The following RXRA variants were observed in gnomAD, a reference collection of about 807,000 sequenced individuals.
RXRA encodes retinoic acid receptor RXR-alpha.
RXRA carries 5 observed loss-of-function variants against 44.5 expected under a neutral mutation model. The observed-to-expected ratio is 0.11, with a 90% CI of 0.06 to 0.24. The LOEUF is 0.24. Among genes scored for constraint, RXRA ranks in the 10% least tolerant of loss-of-function variants. The pLI, the probability that RXRA is intolerant of heterozygous loss-of-function variation, is 1.00. For missense variants in RXRA, 412 were observed against 646.5 expected (o/e 0.64, Z 3.93); for synonymous variants, 291 against 271.4 (o/e 1.07, Z -0.71).
chr9:134,401,982 A>G (rs1304817588), intron 2 of RXRA, 100 bp downstream of exon 2: 3 of 1,019,930 alleles, frequency 2.9e-6, no homozygotes, highest in South Asian at 3.3e-5. Flanking sequence ...TCTGGGAGGT[A>G]GGTGCTGTGG....
At chr9:134,341,384 G>A (rs75043682) in intron 1 of RXRA, among the ~76,000 whole-genome samples, 73 of 152,270 alleles carry the variant, frequency 4.8e-4, no homozygotes, top group South Asian at 2.9e-3. Context: ...CTGCTAGGGT[G>A]GGGGGACATT....
rs1401434912 is a variant in RXRA, at chr9:134,365,180, C to T, written c.29-36452C>T. 3.9e-5 allele frequency among the ~76,000 whole-genome samples: 6 copies of T among 152,238 alleles called. No individual in the cohort carries two copies. Among genetic ancestry groups the T allele is most frequent in the East Asian group, 1.9e-4 (1 of 5,186 alleles). On this transcript the variant is annotated intron_variant, in intron 1 of 9. Coordinates refer to ENST00000481739, the MANE Select transcript of RXRA (RefSeq NM_002957.6). This position sits in a 1 kb window ranked among gnomAD's most constrained non-coding sequence, Gnocchi z 4.0. Reference sequence around the variant, plus strand: ...TGGAGGGCTGATGGCACGCTGGGCCCGGGAAAGCCCCTCGTGGGCCATCTC... The same window carrying T: ...TGGAGGGCTGATGGCACGCTGGGCCTGGGAAAGCCCCTCGTGGGCCATCTC...
intron 6 of RXRA, chr9:134,425,955 C>G: frequency 1.0e-6 from 1 of 985,348 alleles, no homozygotes; most frequent in South Asian, 4.7e-5. Flanking sequence ...GGTTGGAGCC[C>G]GAGGCCCCAG....
intron 1 of RXRA, among the ~76,000 whole-genome samples, chr9:134,371,075 G>A (rs1014743758): frequency 2.6e-5 from 4 of 152,138 alleles, no homozygotes; most frequent in Non-Finnish European, 4.4e-5. Context: ...GGTCACCCTC[G>A]CTCTGGGACA....
intron 1 of RXRA, among the ~76,000 whole-genome samples, chr9:134,348,836 G>C (rs1830186918): frequency 6.6e-6 from 1 of 152,194 alleles, no homozygotes; most frequent in Admixed American, 6.5e-5. Context: ...CCGGGCCTGG[G>C]GTTGCAGTCC....
chr9:134,383,760 T>C (rs1400175337), intron 1 of RXRA, among the ~76,000 whole-genome samples: 3 of 151,912 alleles, frequency 2.0e-5, no homozygotes, highest in African/African-American at 7.3e-5. Context: ...TGAGGACGGG[T>C]AGGTGGGCTG....
rs1047734598 is a variant in RXRA at position 134,426,492 on chromosome 9, C to T, written c.911-2616C>T. The T allele has an allele frequency of 7.1e-6, 7 of 985,282 alleles. No individual in the cohort carries two copies. The highest frequency in any genetic ancestry group is 5.2e-5 in the African/African-American group (3 of 57,216). The allele number at this position is 985,282 out of a possible 1,614,324, so 61.0% of individuals were successfully genotyped here. A position where few individuals can be genotyped will look rare whatever the true frequency, so the allele number is the denominator to read the frequency against. ...GGGGACAGGGGAGCTGAGATGCAGC[C>T]GGCGTGCCGGAGGGTGCAGAGAGAG... On this transcript the variant is annotated intron_variant, in intron 6 of 9. Transcript: ENST00000481739. The surrounding 1 kb of genome is among the most constrained non-coding windows in gnomAD (Gnocchi z 4.6).
intron 1 of RXRA, among the ~76,000 whole-genome samples, chr9:134,381,255 C>T (rs561885165): frequency 3.9e-5 from 6 of 152,242 alleles, no homozygotes; most frequent in East Asian, 1.9e-4. Flanking sequence ...CCAGGTTGCC[C>T]GGCCTGGGCT....
intron 1 of RXRA, among the ~76,000 whole-genome samples, chr9:134,399,421 C>T (rs555769755): frequency 5.3e-5 from 8 of 152,306 alleles, no homozygotes; most frequent in African/African-American, 1.7e-4. Flanking sequence ...ATTTCATAGA[C>T]TCGTGAGCAG....
At chr9:134,357,174 G>A (rs12553509) in intron 1 of RXRA, among the ~76,000 whole-genome samples, 8 of 152,348 alleles carry the variant, frequency 5.3e-5, no homozygotes, top group Admixed American at 5.2e-4. Context: ...ATTCGATGGA[G>A]CAGATAGTTG....
Position 134,349,370 on chromosome 9 carries a change from G to A in RXRA, c.28+22711G>A, listed in dbSNP as rs1030665746. Among the ~76,000 whole-genome samples, 2 of 152,200 alleles carry A rather than the reference G, an allele frequency of 1.3e-5. No homozygotes were observed. The highest frequency in any genetic ancestry group is 4.8e-5 in the African/African-American group (2 of 41,450). On this transcript the variant is annotated intron_variant, in intron 1 of 9. Transcript: ENST00000481739. This position sits in a 1 kb window ranked among gnomAD's most constrained non-coding sequence, Gnocchi z 4.3. ...CTGGTGGAGGGCTTCGCCGAGCTTG[G>A]TGGCAGGGAGGGAAGGCCTCTCCAC...
Position 134,343,469 on chromosome 9 carries a change from C to T in RXRA, c.28+16810C>T, listed in dbSNP as rs575099528. On this transcript the variant is annotated intron_variant, in intron 1 of 9. Coordinates refer to ENST00000481739, the MANE Select transcript of RXRA (RefSeq NM_002957.6). The surrounding 1 kb of genome is among the most constrained non-coding windows in gnomAD (Gnocchi z 4.1). ...GGGCGCTCAGTGTAGGGCAAAGGAA[C>T]GTGAGGAGGGCATGAGTGTTGTATC... Among the ~76,000 whole-genome samples, 29 of 152,134 alleles carry T rather than the reference C, an allele frequency of 1.9e-4. No individual in the cohort carries two copies. The highest frequency in any genetic ancestry group is 6.5e-4 in the African/African-American group (27 of 41,498).
chr9:134,427,165 AAAAAC>A, intron 6 of RXRA: 1 of 983,022 alleles, frequency 1.0e-6, no homozygotes, highest in Non-Finnish European at 1.2e-6. Flanking sequence ...TTCATTGGGC[AAAAAC>A]AAAAAAAAAA....
chr9:134,425,088 G>A (rs934379803), intron 6 of RXRA: 3 of 985,302 alleles, frequency 3.0e-6, no homozygotes, highest in African/African-American at 1.7e-5. Flanking sequence ...AAGGCCCAAG[G>A]TCTCTGCTCA....
intron 1 of RXRA, among the ~76,000 whole-genome samples, chr9:134,382,268 GGTGTGT>G (rs145989754): frequency 2.7e-5 from 4 of 149,188 alleles, no homozygotes; most frequent in African/African-American, 9.8e-5. Flanking sequence ...AGGTTTGGGT[GGTGTGT>G]GTGTGTGTGT....
rs1327168620 is a variant in RXRA, at chr9:134,439,952, T to C, written c.*3338T>C. The C allele has an allele frequency of 6.6e-6, 1 of 152,466 alleles. No individual in the cohort carries two copies. The highest frequency in any genetic ancestry group is 1.5e-5 in the Non-Finnish European group (1 of 68,032). The allele number at this position is 152,466 out of a possible 1,614,324, so 9.4% of individuals were successfully genotyped here. On this transcript the variant is annotated 3_prime_UTR_variant, in exon 10 of 10. Coordinates refer to ENST00000481739, the MANE Select transcript of RXRA (RefSeq NM_002957.6). ...GGCAGGAGATGCATCTATTTTAAGA[T>C]GCTTTGGAGCAGACAGCTTTAGCCG... is the stretch of plus-strand genomic sequence containing the variant.
chr9:134,436,308 C>T (rs144335439), intron 9 of RXRA, among the ~76,000 whole-genome samples, 159 bp from the exon 10 acceptor site: 261 of 152,338 alleles, frequency 1.7e-3, no homozygotes, highest in Middle Eastern at 0.014. Context: ...GCCTCCCCTC[C>T]TTCCTTCTGG....
intron 1 of RXRA, among the ~76,000 whole-genome samples, chr9:134,358,879 G>A (rs111944682): frequency 0.018 from 2,787 of 152,320 alleles, 76 homozygotes; most frequent in African/African-American, 0.059. Context: ...AGGAGTCCCC[G>A]GGGCCTGCTG....
intron 1 of RXRA, among the ~76,000 whole-genome samples, chr9:134,331,286 C>T (rs782772652): frequency 1.7e-4 from 26 of 152,234 alleles, no homozygotes; most frequent in African/African-American, 3.1e-4. Context: ...AGGGAAATTG[C>T]GCCCTAGAGT....
Sources: allele counts gnomAD v4.1 joint callset (sites outside exome capture counted in the v4.1 genomes callset), GRCh38; gene constraint gnomAD v4.1.1; non-coding constraint Gnocchi (gnomAD v3.1); transcripts MANE v1.5; gene names NCBI Gene and HGNC (gene_info 2026-07-23, HGNC 2026-07-21).